The following S100PBP variants were observed in gnomAD, a reference collection of about 807,000 sequenced individuals.
The protein encoded by S100PBP is S100P binding protein.
Under a neutral mutation model 39.9 loss-of-function variants are expected in S100PBP, and 15 were observed. The observed-to-expected ratio is 0.38, with a 90% CI of 0.25 to 0.58. The LOEUF is 0.58. S100PBP is among the 20% of genes least tolerant of loss of function. S100PBP has a pLI of 0.70. For missense variants in S100PBP, 504 were observed against 487.3 expected, an observed-to-expected ratio of 1.03 and a Z score of -0.32; for synonymous variants, 178 against 180.3, an observed-to-expected ratio of 0.99 and a Z score of 0.10.
At chr1:32,817,319 C>T, upstream of S100PBP, 1 of 1,579,418 alleles carries the variant, frequency 6.3e-7, no homozygotes, top group Non-Finnish European at 8.7e-7. Context: ...CCGCCGCGTG[C>T]CGGGAACTGT....
At chr1:32,822,898 C>T (rs941565322) in intron 1 of S100PBP, among the ~76,000 whole-genome samples, 3 of 152,064 alleles carry the variant, frequency 2.0e-5, no homozygotes, top group African/African-American at 7.2e-5. Flanking sequence ...ACCAAAAGCC[C>T]TCTTTGGTCT....
chr1:32,853,224 A>C, intron 6 of S100PBP, 58 bp downstream of exon 6: 79 of 1,268,058 alleles, frequency 6.2e-5, no homozygotes, highest in Non-Finnish European at 7.8e-5. Context: ...GCGGTGGCTC[A>C]CACCTGTAAT....
chr1:32,822,170 A>T (rs938064182), intron 1 of S100PBP, among the ~76,000 whole-genome samples: 10 of 152,200 alleles, frequency 6.6e-5, no homozygotes, highest in African/African-American at 2.2e-4. Context: ...ATTTGCTTCA[A>T]AACAATCTGG....
chr1:32,826,253 A>G lies in S100PBP; in HGVS notation c.154A>G (p.Asn52Asp). ...GGGAGAAGAAGATGATGGTGATGTA[A>G]ATTACACAGAGGAAGAGATTGATGC... ...SEGEEDDGDV[N>D]YTEEEIDALL... is the part of the protein sequence containing the mutation. The change falls in exon 3 of 7, where the codon AAT becomes GAT. Residue 52 changes from asparagine (N) to aspartate (D), a missense_variant. Coordinates refer to ENST00000373475, the MANE Select transcript of S100PBP (RefSeq NM_022753.4). 3 of 1,614,134 alleles carry G rather than the reference A, an allele frequency of 1.9e-6. No homozygotes were observed. Among genetic ancestry groups the G allele is most frequent in the Non-Finnish European group, 2.5e-6 (3 of 1,180,008 alleles).
intron 4 of S100PBP, among the ~76,000 whole-genome samples, chr1:32,829,472 A>AT (rs1010885139): frequency 6.6e-6 from 1 of 151,420 alleles, no homozygotes; most frequent in Non-Finnish European, 1.5e-5. Flanking sequence ...AAATTATTTG[A>AT]TTTTTTTAGA....
At chr1:32,823,808 G>A (rs1443927555) in intron 1 of S100PBP, among the ~76,000 whole-genome samples, 2 of 152,182 alleles carry the variant, frequency 1.3e-5, no homozygotes, top group Non-Finnish European at 2.9e-5. Context: ...TACATTATGA[G>A]GGCAGGAGCT....
At chr1:32,821,427 T>G (rs952566067) in intron 1 of S100PBP, among the ~76,000 whole-genome samples, 2 of 149,286 alleles carry the variant, frequency 1.3e-5, no homozygotes, top group East Asian at 2.0e-4. Context: ...GTTCAAACAG[T>G]TCCCCTGCCT....
At chr1:32,833,643 T>C (rs926606695) in intron 5 of S100PBP, among the ~76,000 whole-genome samples, 3 of 152,140 alleles carry the variant, frequency 2.0e-5, no homozygotes, top group African/African-American at 7.2e-5. Context: ...ATTACAGGCG[T>C]GAGACAGCAC....
chr1:32,820,335 A>G (rs988768352), intron 1 of S100PBP, among the ~76,000 whole-genome samples: 4 of 151,830 alleles, frequency 2.6e-5, no homozygotes, highest in Admixed American at 6.6e-5. Flanking sequence ...TAGTAGAGAC[A>G]GGGTTTCACC....
At chr1:32,829,894 C>A (rs2148652199) in intron 4 of S100PBP, 70 bp from the exon 5 acceptor site, 1 of 1,050,674 alleles carries the variant, frequency 9.5e-7, no homozygotes, top group African/African-American at 1.6e-5. Flanking sequence ...TATATCACTT[C>A]TCTCTACAAA....
At chr1:32,848,163 C>G (rs553429474) in intron 5 of S100PBP, among the ~76,000 whole-genome samples, 1 of 151,966 alleles carries the variant, frequency 6.6e-6, no homozygotes, top group Non-Finnish European at 1.5e-5. Context: ...AAAAATTAGC[C>G]GAGTATGGTG....
At chr1:32,831,702 C>G (rs555581061) in intron 5 of S100PBP, among the ~76,000 whole-genome samples, 13 of 152,050 alleles carry the variant, frequency 8.5e-5, no homozygotes, top group Non-Finnish European at 1.8e-4. Context: ...AACCTCTCCT[C>G]TCCACCTCTC....
intron 5 of S100PBP, among the ~76,000 whole-genome samples, chr1:32,849,695 C>T (rs770492531): frequency 1.4e-4 from 21 of 152,146 alleles, no homozygotes; most frequent in Non-Finnish European, 2.5e-4. Context: ...CCATTGTTTA[C>T]AAGAGACATA....
chr1:32,853,233 A>G, intron 6 of S100PBP, 67 bp downstream of exon 6: 2 of 1,138,368 alleles, frequency 1.8e-6, no homozygotes, highest in Non-Finnish European at 2.6e-6. Flanking sequence ...CACACCTGTA[A>G]TCCCAGCACT....
chr1:32,826,384 C>T lies in S100PBP; in HGVS notation c.285C>T (p.Pro95=). The change falls in exon 3 of 7, where the codon CCC becomes CCT. Residue 95 remains proline, a synonymous_variant. Coordinates refer to ENST00000373475, the MANE Select transcript of S100PBP (RefSeq NM_022753.4). ...GGAGTCAAATTCTACTTGATACTCC[C>T]CGAGAGAAAAATTCATCGTACAGCC... is the stretch of plus-strand genomic sequence containing the variant. ...ERGSQILLDT[P]REKNSSYSLG... 1 of 1,613,990 alleles carries T rather than the reference C, an allele frequency of 6.2e-7. No homozygotes were observed. The highest frequency in any genetic ancestry group is 8.5e-7 in the Non-Finnish European group (1 of 1,179,996).
chr1:32,817,730 T>G, intron 1 of S100PBP, 41 bp downstream of exon 1: 1 of 198,000 alleles, frequency 5.1e-6, no homozygotes, highest in South Asian at 7.8e-5. Context: ...GTTACCCGGC[T>G]TGGAGGGGGA....
intron 5 of S100PBP, among the ~76,000 whole-genome samples, chr1:32,846,638 C>T (rs1046215344): frequency 6.6e-6 from 1 of 152,008 alleles, no homozygotes; most frequent in South Asian, 2.1e-4. Flanking sequence ...TGGGATCTCA[C>T]TCTGTTGCCT....
rs1207648193 is a variant in S100PBP at position 32,826,902 on chromosome 1, C to A, written c.803C>A (p.Ser268Tyr). ...GSHKSSCEMR[S>Y]LVVSTSSNKQ... ...CACAAGTCAAGTTGTGAAATGAGAT[C>A]TCTGGTTGTTTCCACCTCATCAAAC... Residue 268 changes from serine (S) to tyrosine (Y), a missense_variant, in exon 3 of 7, where the codon TCT (serine) becomes TAT (tyrosine). Physicochemically the swap from Ser to Tyr is moderately radical, Grantham distance 144 (BLOSUM62 -2). Transcript: ENST00000373475. 1.3e-6 allele frequency: 2 copies of A among 1,595,356 alleles called. No homozygotes were observed. The highest frequency in any genetic ancestry group is 2.2e-5 in the East Asian group (1 of 44,752).
At chr1:32,827,786 T>TGG in intron 3 of S100PBP, among the ~76,000 whole-genome samples, 1 of 144,402 alleles carries the variant, frequency 6.9e-6, no homozygotes, top group South Asian at 2.2e-4. Context: ...TGGCCAGGTT[T>TGG]TTTTTTTTTT....
Sources: allele counts gnomAD v4.1 joint callset (sites outside exome capture counted in the v4.1 genomes callset), GRCh38; gene constraint gnomAD v4.1.1; transcripts MANE v1.5; gene names NCBI Gene and HGNC (gene_info 2026-07-23, HGNC 2026-07-21).